Variants in TBCE observed in about 807,000 individuals in gnomAD.
TBCE encodes tubulin-specific chaperone E.
TBCE carries 53 observed loss-of-function variants against 77.0 expected under a neutral mutation model. The ratio of observed to expected loss-of-function variants is 0.69; its 90% CI spans 0.55 to 0.87. The LOEUF is 0.87. TBCE is among the 40% of genes least tolerant of loss of function. The pLI, the probability that TBCE is intolerant of heterozygous loss-of-function variation, is 0.00. For synonymous variants in TBCE, 235 were observed against 241.3 expected, an observed-to-expected ratio of 0.97 and a Z score of 0.24; for missense variants, 624 against 622.4, an observed-to-expected ratio of 1.00 and a Z score of -0.03.
chr1:235,400,560 C>G (rs990514305), intron 2 of TBCE, among the ~76,000 whole-genome samples: 1 of 151,294 alleles, frequency 6.6e-6, no homozygotes, highest in East Asian at 1.9e-4. Flanking sequence ...GCCACCGTGC[C>G]TGGCTAATTT....
intron 15 of TBCE, among the ~76,000 whole-genome samples, chr1:235,443,183 C>CAT (rs202164530): frequency 0.011 from 1,643 of 145,220 alleles, 30 homozygotes; most frequent in African/African-American, 0.039. Context: ...CACACACACA[C>CAT]ACATATATAT....
chr1:235,443,039 CTTT>C (rs1682001769), intron 15 of TBCE, 128 bp downstream of exon 15: 6 of 883,624 alleles, frequency 6.8e-6, no homozygotes, highest in Non-Finnish European at 1.1e-5. Context: ...TTTCATTAGT[CTTT>C]TATATTCTAA....
intron 9 of TBCE, chr1:235,436,086 T>C (rs1323673251): frequency 1.7e-6 from 1 of 603,672 alleles, no homozygotes; most frequent in African/African-American, 1.9e-5. Context: ...CTGGTGATAA[T>C]GCGGAAAGTC....
At chr1:235,372,785 G>A (rs12745118) in intron 1 of TBCE, among the ~76,000 whole-genome samples, 20,639 of 151,718 alleles carry the variant, frequency 0.14, 1,697 homozygotes, top group African/African-American at 0.23. Context: ...TTAGCCGGGC[G>A]TGGTGGTGGG....
intron 7 of TBCE, among the ~76,000 whole-genome samples, chr1:235,432,165 G>A (rs534390028): frequency 4.1e-4 from 62 of 152,092 alleles, no homozygotes; most frequent in African/African-American, 1.5e-3. Context: ...TGTATTTTTA[G>A]TAGGGACAGG....
At chr1:235,427,859 C>T (rs1244759557) in intron 6 of TBCE, among the ~76,000 whole-genome samples, 4 of 151,978 alleles carry the variant, frequency 2.6e-5, no homozygotes, top group Non-Finnish European at 5.9e-5. Flanking sequence ...GGAGAAACCC[C>T]GTCTCTACTA....
chr1:235,369,522 A>T, intron 1 of TBCE, among the ~76,000 whole-genome samples: 1 of 145,672 alleles, frequency 6.9e-6, no homozygotes, highest in East Asian at 2.1e-4. Flanking sequence ...AACAACAAAA[A>T]CAAAAAAAAC....
chr1:235,378,202 G>A (rs1284094859), intron 1 of TBCE, among the ~76,000 whole-genome samples: 1 of 152,030 alleles, frequency 6.6e-6, no homozygotes, highest in East Asian at 1.9e-4. Context: ...CTTCAACACT[G>A]TTATCTTTTA....
At chr1:235,441,206 T>C (rs971933867) in intron 13 of TBCE, 7 of 153,572 alleles carry the variant, frequency 4.6e-5, no homozygotes, top group African/African-American at 1.4e-4. Context: ...GATGGGGGGA[T>C]TTAGAGAAAT....
chr1:235,411,564 ATAGAG>A (rs1299839791), intron 3 of TBCE, among the ~76,000 whole-genome samples: 2 of 152,294 alleles, frequency 1.3e-5, no homozygotes, highest in Non-Finnish European at 2.9e-5. Flanking sequence ...AGGGGAATCC[ATAGAG>A]TAAAGTGAAA....
At chr1:235,440,403 T>G (rs1444060986) in intron 13 of TBCE, among the ~76,000 whole-genome samples, 1 of 151,656 alleles carries the variant, frequency 6.6e-6, no homozygotes, top group Non-Finnish European at 1.5e-5. Context: ...TATATATATA[T>G]TTTTTTGAGA....
intron 2 of TBCE, among the ~76,000 whole-genome samples, chr1:235,392,920 G>T (rs1325248338): frequency 6.6e-6 from 1 of 151,836 alleles, no homozygotes; most frequent in African/African-American, 2.4e-5. Flanking sequence ...GGAGGCTGAG[G>T]TGGGAGGATT....
At chr1:235,383,008 G>A (rs1166619508) in intron 2 of TBCE, among the ~76,000 whole-genome samples, 2 of 143,596 alleles carry the variant, frequency 1.4e-5, no homozygotes, top group Non-Finnish European at 3.0e-5. Flanking sequence ...TGTAAGGAAG[G>A]GATCCAGTTT....
At chr1:235,421,700 T>A (rs1486173781) in intron 5 of TBCE, among the ~76,000 whole-genome samples, 1 of 151,872 alleles carries the variant, frequency 6.6e-6, no homozygotes, top group African/African-American at 2.4e-5. Flanking sequence ...AGAGTGAGAC[T>A]CTGTTTCAAA....
At chr1:235,426,095 A>T (rs1680697907) in intron 5 of TBCE, among the ~76,000 whole-genome samples, 1 of 152,124 alleles carries the variant, frequency 6.6e-6, no homozygotes, top group South Asian at 2.1e-4. Flanking sequence ...ACACATACAC[A>T]TATTAGATGA....
intron 3 of TBCE, among the ~76,000 whole-genome samples, chr1:235,403,949 G>A (rs1419549958): frequency 6.6e-6 from 1 of 152,118 alleles, no homozygotes; most frequent in East Asian, 1.9e-4. Flanking sequence ...TAACACAATG[G>A]TAAGTATTTA....
intron 2 of TBCE, among the ~76,000 whole-genome samples, chr1:235,398,142 CT>C (rs11285697): frequency 0.67 from 87,202 of 129,630 alleles, 28,614 homozygotes; most frequent in African/African-American, 0.86. Flanking sequence ...TTACTTCTTT[CT>C]TTTTTTTTTT....
Position 235,449,095 on chromosome 1 carries a change from T to A in TBCE, c.*333T>A. 1 of 303,446 alleles carries A rather than the reference T, an allele frequency of 3.3e-6. No homozygotes were observed. The highest frequency in any genetic ancestry group is 2.2e-5 in the African/African-American group (1 of 45,672). 18.8% of individuals were successfully genotyped at this position (303,446 alleles called of 1,614,324 possible). On this transcript the variant is annotated 3_prime_UTR_variant, in exon 17 of 17. Coordinates refer to ENST00000642610, the MANE Select transcript of TBCE (RefSeq NM_003193.5). ...ATCTGAACACAGTTAATATCTGTCA[T>A]AAGACTAGTTTTAATGGAATTCTCT...
At chr1:235,419,306 C>G (rs1010313812) in intron 4 of TBCE, 167 bp from the exon 5 acceptor site, 1 of 1,019,816 alleles carries the variant, frequency 9.8e-7, no homozygotes, top group Non-Finnish European at 1.4e-6. Context: ...TTGTAGTGCT[C>G]TTTTTCTTTT....
Sources: allele counts gnomAD v4.1 joint callset (sites outside exome capture counted in the v4.1 genomes callset), GRCh38; gene constraint gnomAD v4.1.1; transcripts MANE v1.5; gene names NCBI Gene and HGNC (gene_info 2026-07-23, HGNC 2026-07-21).